Variants in NDRG2 observed in about 807,000 individuals in gnomAD.
NDRG2 encodes NDRG family member 2.
In NDRG2, 34 loss-of-function variants were observed where a neutral mutation model predicts 58.2. The observed-to-expected ratio is 0.58, with a 90% confidence interval of 0.44 to 0.78. The LOEUF (loss-of-function observed/expected upper bound fraction) is 0.78. Ranked by LOEUF, NDRG2 falls within the 30% of genes least tolerant of loss-of-function variation. The pLI is 0.00. For missense variants in NDRG2, 434 were observed against 471.2 expected, an observed-to-expected ratio of 0.92 and a Z score of 0.73; for synonymous variants, 187 against 175.9, an observed-to-expected ratio of 1.06 and a Z score of -0.50.
chr14:21,061,598 T>C (rs1885965199), intron 1 of NDRG2, among the ~76,000 whole-genome samples: 1 of 152,160 alleles, frequency 6.6e-6, no homozygotes, highest in South Asian at 2.1e-4. Flanking sequence ...TGAGAACGTG[T>C]TTCCAAAAAA....
chr14:21,020,417 A>T, intron 8 of NDRG2, 79 bp downstream of exon 8: 1 of 1,123,380 alleles, frequency 8.9e-7, no homozygotes, highest in Non-Finnish European at 1.3e-6. Flanking sequence ...CCATCCAGTT[A>T]GGCTATCTAC....
intron 1 of NDRG2, among the ~76,000 whole-genome samples, chr14:21,056,748 G>A (rs1885691948): frequency 6.6e-6 from 1 of 152,208 alleles, no homozygotes; most frequent in East Asian, 1.9e-4. Flanking sequence ...ACATCAGGAA[G>A]CTCTTAGCCC....
At chr14:21,058,140 A>G in intron 1 of NDRG2, 1 of 1,614,190 alleles carries the variant, frequency 6.2e-7, no homozygotes, top group Non-Finnish European at 8.5e-7. Context: ...ATCACCTGCC[A>G]GACCCCCAAC....
chr14:21,033,683 C>T (rs1044760436), intron 1 of NDRG2: 30 of 685,850 alleles, frequency 4.4e-5, no homozygotes, highest in African/African-American at 3.7e-4. Flanking sequence ...TGGACATTTT[C>T]GCACCCACCT....
At chr14:21,032,235 C>T (rs1373389941) in intron 1 of NDRG2, 6 of 807,312 alleles carry the variant, frequency 7.4e-6, no homozygotes, top group African/African-American at 1.7e-5. Flanking sequence ...AGAGGCAGCA[C>T]AGGAGGGTGG....
At chr14:21,057,963 T>C in intron 1 of NDRG2, 2 of 1,614,062 alleles carry the variant, frequency 1.2e-6, no homozygotes, top group Non-Finnish European at 1.7e-6. Context: ...GCAGAGGTCC[T>C]AGTCAGAGCC....
intron 1 of NDRG2, chr14:21,033,572 T>C: frequency 1.8e-6 from 1 of 557,928 alleles, no homozygotes; most frequent in East Asian, 3.0e-5. Context: ...TTTTACTGTC[T>C]CTGGGAGAGG....
intron 1 of NDRG2, among the ~76,000 whole-genome samples, chr14:21,065,796 G>C (rs1031901397): frequency 6.6e-6 from 1 of 152,326 alleles, no homozygotes; most frequent in South Asian, 2.1e-4. Context: ...AGTAAGGCAT[G>C]TTTAAAGAAC....
At chr14:21,042,644 A>G (rs1884953911) in intron 1 of NDRG2, among the ~76,000 whole-genome samples, 1 of 152,118 alleles carries the variant, frequency 6.6e-6, no homozygotes, top group Non-Finnish European at 1.5e-5. Context: ...CACAGACGAG[A>G]TGGGAATCGG....
chr14:21,019,013 G>T, intron 11 of NDRG2, 103 bp downstream of exon 11: 1 of 1,365,306 alleles, frequency 7.3e-7, no homozygotes, highest in Non-Finnish European at 1.0e-6. Flanking sequence ...GGTGGGACAT[G>T]ACAAGGAAGT....
intron 1 of NDRG2, chr14:21,031,844 G>A (rs773558621): frequency 3.4e-5 from 54 of 1,585,982 alleles, no homozygotes; most frequent in Non-Finnish European, 4.6e-5. Flanking sequence ...GAAGGGATAT[G>A]ACAGCGTAAG....
At chr14:21,032,313 T>A (rs1344590017) in intron 1 of NDRG2, 3 of 621,926 alleles carry the variant, frequency 4.8e-6, no homozygotes, top group East Asian at 3.3e-5. Context: ...GCATTCCTCC[T>A]CAACAGCTGC....
rs200677359 is a variant in NDRG2, at chr14:21,022,516, C to T, written c.118-19G>A. 8 of 1,584,112 alleles carry T rather than the reference C, an allele frequency of 5.1e-6. No homozygotes were observed. The highest frequency in any genetic ancestry group is 1.3e-5 in the African/African-American group (1 of 74,310). ...AGTGAGTCTGCAGGAAAACAGGGCA[C>T]CAAGAGCTAGGCTCAGAGGAGACGA... On this transcript the variant is annotated intron_variant, in intron 3 of 15. Transcript: ENST00000556147.
intron 1 of NDRG2, chr14:21,023,579 C>T: frequency 2.4e-6 from 1 of 410,402 alleles, no homozygotes; most frequent in South Asian, 2.7e-5. Context: ...AACACCACAC[C>T]TCCAGACCCC....
At chr14:21,033,810 C>G in intron 1 of NDRG2, 1 of 1,565,096 alleles carries the variant, frequency 6.4e-7, no homozygotes, top group Non-Finnish European at 8.8e-7. Flanking sequence ...TGGGGAGTGG[C>G]TCAGGAATTA....
intron 1 of NDRG2, chr14:21,034,098 T>C: frequency 1.2e-6 from 2 of 1,614,216 alleles, no homozygotes; most frequent in Non-Finnish European, 1.7e-6. Flanking sequence ...ATCTGAATTT[T>C]GCATCTTGCC....
At chr14:21,037,131 A>C (rs1354658802) in intron 1 of NDRG2, among the ~76,000 whole-genome samples, 5 of 152,134 alleles carry the variant, frequency 3.3e-5, no homozygotes, top group South Asian at 2.1e-4. Flanking sequence ...CCCCCACCCA[A>C]CACCACTCAC....
intron 1 of NDRG2, among the ~76,000 whole-genome samples, chr14:21,069,715 C>G (rs992852773): frequency 1.3e-5 from 2 of 151,792 alleles, no homozygotes; most frequent in African/African-American, 2.4e-5. Flanking sequence ...GGAGGGCGGG[C>G]AAGCCCCCGG....
intron 1 of NDRG2, chr14:21,058,130 A>G: frequency 6.2e-7 from 1 of 1,614,168 alleles, no homozygotes. Flanking sequence ...CAGTGTGGCC[A>G]TCACCTGCCA....
Sources: gnomAD v4.1 joint callset for allele counts (sites outside exome capture counted in the v4.1 genomes callset) on GRCh38, gnomAD v4.1.1 for gene constraint, MANE v1.5 for transcripts, NCBI Gene and HGNC (gene_info 2026-07-23, HGNC 2026-07-21) for gene names.